SLC13A5: variants seen among roughly 807,000 people sequenced by gnomAD.
SLC13A5 encodes the protein solute carrier family 13 member 5.
In SLC13A5, 25 loss-of-function variants were observed where a neutral mutation model predicts 56.5. That is an observed-to-expected ratio of 0.44 (90% CI 0.32 to 0.62). The LOEUF (loss-of-function observed/expected upper bound fraction) is 0.62, where lower values mean the gene tolerates loss of function less well. SLC13A5 is among the 20% of genes least tolerant of loss of function. The pLI, the probability that SLC13A5 is intolerant of heterozygous loss-of-function variation, is 0.04. For synonymous variants in SLC13A5, 307 were observed against 301.5 expected (o/e 1.02, Z -0.19); for missense variants, 649 against 737.8 (o/e 0.88, Z 1.39).
chr17:6,685,996 C>G lies in SLC13A5; in HGVS notation c.*211G>C. On this transcript the variant is annotated 3_prime_UTR_variant, in exon 12 of 12. Coordinates refer to ENST00000433363, the MANE Select transcript of SLC13A5 (RefSeq NM_177550.5). The surrounding 1 kb of genome is among the most constrained non-coding windows in gnomAD (Gnocchi z 4.2). ...GGTCCAGCAGCCCACTGAGGGGTTC[C>G]CTTCATTTCTGAGCCTACCCTCCAG... is the stretch of plus-strand genomic sequence containing the variant. 1 of 664,180 alleles carries G rather than the reference C, an allele frequency of 1.5e-6. No homozygotes were observed. Among genetic ancestry groups the G allele is most frequent in the Admixed American group, 2.7e-5 (1 of 37,362 alleles). 41.1% of individuals were successfully genotyped at this position (664,180 alleles called of 1,614,324 possible).
At chr17:6,693,001 A>G in intron 9 of SLC13A5, 43 bp downstream of exon 9, 2 of 1,480,740 alleles carry the variant, frequency 1.4e-6, no homozygotes, top group Non-Finnish European at 1.9e-6. Context: ...CACCCTCTTG[A>G]CGAAGAAGAG....
In SLC13A5 at chr17:6,692,969, G is replaced by T; in HGVS notation, c.1275+75C>A. ...CAGGCACAGAAACACACAAGCCCAG[G>T]GATGGAAGGGTGGAGAAACGCCACC... On this transcript the variant is annotated intron_variant, in intron 9 of 11. Transcript: ENST00000433363. This position sits in a 1 kb window ranked among gnomAD's most constrained non-coding sequence, Gnocchi z 5.5. 1.8e-6 allele frequency: 2 copies of T among 1,095,896 alleles called. No individual in the cohort carries two copies. Among genetic ancestry groups the T allele is most frequent in the Non-Finnish European group, 2.8e-6 (2 of 707,894 alleles). The allele number at this position is 1,095,896 out of a possible 1,614,324, so 67.9% of individuals were successfully genotyped here.
At chr17:6,696,000 A>C (rs1053275362) in intron 6 of SLC13A5, 59 bp from the exon 7 acceptor site, 2 of 1,486,048 alleles carry the variant, frequency 1.3e-6, no homozygotes, top group African/African-American at 2.8e-5. Flanking sequence ...GGTGCTGGTC[A>C]GATGGAGCCT....
chr17:6,686,063 T>C lies in SLC13A5; in HGVS notation c.*144A>G, dbSNP rs955427403. 5 of 1,136,436 alleles carry C rather than the reference T, an allele frequency of 4.4e-6. No individual in the cohort carries two copies. In the African/African-American group the frequency reaches 4.7e-5, roughly 11 times the overall value. 70.4% of individuals were successfully genotyped at this position (1,136,436 alleles called of 1,614,324 possible). A position where few individuals can be genotyped will look rare whatever the true frequency, so the allele number is the denominator to read the frequency against. On this transcript the variant is annotated 3_prime_UTR_variant, in exon 12 of 12. Coordinates refer to ENST00000433363, the MANE Select transcript of SLC13A5 (RefSeq NM_177550.5). ...CTGCATCTGGGCTTGGAGGAAGAGG[T>C]GGCCCATTGGCTGGGTTTTGGTGGT...
At chr17:6,700,754 T>C (rs1389338231) in intron 6 of SLC13A5, among the ~76,000 whole-genome samples, 1 of 152,136 alleles carries the variant, frequency 6.6e-6, no homozygotes, top group African/African-American at 2.4e-5. Flanking sequence ...GCATTTGAAC[T>C]AGCCTTGAAG....
chr17:6,697,185 T>G (rs1406029713), intron 6 of SLC13A5, among the ~76,000 whole-genome samples: 1 of 152,114 alleles, frequency 6.6e-6, no homozygotes, highest in Non-Finnish European at 1.5e-5. Context: ...CTTGGCTTAG[T>G]AAAGTTTGTG....
intron 3 of SLC13A5, among the ~76,000 whole-genome samples, chr17:6,705,842 C>T (rs1347279145): frequency 1.3e-5 from 2 of 152,218 alleles, no homozygotes; most frequent in African/African-American, 2.4e-5. Context: ...CCCTGAGTTT[C>T]TGATTAGAGA....
chr17:6,695,900 T>C lies in SLC13A5; in HGVS notation c.881A>G (p.Asn294Ser), dbSNP rs1597663337. Residue 294 changes from asparagine (N) to serine (S), a missense_variant, in exon 7 of 12, where the codon AAC becomes AGC. By Grantham distance (46) the Asn-to-Ser change is conservative. Coordinates refer to ENST00000433363, the MANE Select transcript of SLC13A5 (RefSeq NM_177550.5). ...SWGCGLESKK[N>S]EKAALKVLQE... The stretch of plus-strand genomic sequence containing the variant: ...CAGCACCTTGAGGGCAGCCTTCTCG[T>C]TTTTCTTGCTCTCTAGCCCGCAGCC... 1 of 1,614,002 alleles carries C rather than the reference T, an allele frequency of 6.2e-7. No homozygotes were observed. Among genetic ancestry groups the C allele is most frequent in the Non-Finnish European group, 8.5e-7 (1 of 1,180,014 alleles).
At chr17:6,695,980 G>T (rs1169653312) in intron 6 of SLC13A5, 39 bp from the exon 7 acceptor site, 2 of 1,583,390 alleles carry the variant, frequency 1.3e-6, no homozygotes, top group African/African-American at 1.3e-5. Context: ...AGGGCAGACT[G>T]GTTGGCTCAG....
chr17:6,697,301 G>C (rs1477263163), intron 6 of SLC13A5, among the ~76,000 whole-genome samples: 1 of 152,168 alleles, frequency 6.6e-6, no homozygotes, highest in Non-Finnish European at 1.5e-5. Flanking sequence ...ATTACTAGTG[G>C]CCCAGGAGCC....
At position 6,690,783 on chromosome 17, in the gene SLC13A5, G is replaced by A. The variant is rs775187603; in HGVS notation, c.1433C>T (p.Ser478Phe). ...TTTLFLPIFA[S>F]MSRSIGLNPL... is the part of the protein sequence containing the mutation. ...CCCCACTGTCAGGTTACTTACCATG[G>A]AGGCAAAGATGGGCAGGAACAAGGT... Residue 478 changes from serine (S) to phenylalanine (F), a missense_variant, in exon 10 of 12, where the codon TCC (serine) becomes TTC (phenylalanine). By Grantham distance (155) the Ser-to-Phe change is radical. Coordinates refer to ENST00000433363, the MANE Select transcript of SLC13A5 (RefSeq NM_177550.5). The A allele has an allele frequency of 1.9e-6, 3 of 1,614,210 alleles. No individual in the cohort carries two copies. The South Asian group carries it at 3.3e-5, about 18-fold the overall frequency.
chr17:6,706,505 C>T (rs761431090), intron 3 of SLC13A5, 137 bp downstream of exon 3: 239 of 1,272,754 alleles, frequency 1.9e-4, no homozygotes, highest in Non-Finnish European at 2.3e-4. Flanking sequence ...AGCTATAACG[C>T]ACCCCACCCA....
rs1468208942 is a variant in SLC13A5, at chr17:6,713,017, AC to A, written c.102+214del. Among the ~76,000 whole-genome samples, 1 of 152,006 alleles carries A rather than the reference AC, an allele frequency of 6.6e-6. No individual in the cohort carries two copies. The highest frequency in any genetic ancestry group is 1.5e-5 in the Non-Finnish European group (1 of 67,992). On this transcript the variant is annotated intron_variant, in intron 1 of 11. Coordinates refer to ENST00000433363, the MANE Select transcript of SLC13A5 (RefSeq NM_177550.5). This position sits in a 1 kb window ranked among gnomAD's most constrained non-coding sequence, Gnocchi z 7.3. The stretch of plus-strand genomic sequence containing the variant: ...GGCTCTTGCGCCCTGGGATCTGTAA[AC>A]CCCAAGGGTGGTGCGCCCTGGGGTC...
chr17:6,710,210 G>A (rs563230529), intron 1 of SLC13A5, among the ~76,000 whole-genome samples: 42 of 152,358 alleles, frequency 2.8e-4, no homozygotes, highest in African/African-American at 9.9e-4. Flanking sequence ...GATGCCTCCA[G>A]GGGCAGACAA....
chr17:6,686,485 G>A (rs1005120164), intron 11 of SLC13A5, 147 bp from the exon 12 acceptor site: 63 of 917,684 alleles, frequency 6.9e-5, no homozygotes, highest in African/African-American at 5.2e-4. Context: ...AGGACAGTGC[G>A]ACTTCATGTC....
Position 6,703,060 on chromosome 17 carries a change from G to C in SLC13A5, c.626C>G (p.Thr209Ser). 3 of 1,614,198 alleles carry C rather than the reference G, an allele frequency of 1.9e-6. No homozygotes were observed. The highest frequency in any genetic ancestry group is 2.5e-6 in the Non-Finnish European group (3 of 1,180,028). The change falls in exon 5 of 12, where the codon ACC becomes AGC. Residue 209 changes from threonine to serine, a missense_variant. Physicochemically the swap from Thr to Ser is moderately conservative, Grantham distance 58. Transcript: ENST00000433363. ...QERKRLCKAM[T>S]LCICYAASIG... is the part of the protein sequence containing the mutation. ...GCTGGCCGCGTAGCAGATGCACAGG[G>C]TCATGGCCTTACACAACCTCTTCCG... is the stretch of plus-strand genomic sequence containing the variant.
rs747731732 is a variant in SLC13A5 at position 6,693,050 on chromosome 17, T to C, written c.1269A>G (p.Gly423=). 2 of 1,613,990 alleles carry C rather than the reference T, an allele frequency of 1.2e-6. No homozygotes were observed. The highest frequency in any genetic ancestry group is 8.5e-7 in the Non-Finnish European group (1 of 1,179,902). ...LLGGGFALAK[G]SEASGLSVWM... is the part of the protein sequence containing the mutation. ...CTGTGGCTGGAGAAGTTACCTCGGA[T>C]CCTTTAGCCAGAGCAAATCCGCCCC... The change falls in exon 9 of 12, where the codon GGA becomes GGG. Residue 423 remains glycine, a synonymous_variant. Coordinates refer to ENST00000433363, the MANE Select transcript of SLC13A5 (RefSeq NM_177550.5).
Position 6,711,485 on chromosome 17 carries a change from G to GGGGT in SLC13A5, c.102+1746_102+1747insACCC, listed in dbSNP as rs796863618. ...CACTGAGTTAGGGTTTCCAGTTCAG[G>GGGGT]GTGTGTGTGTGTGTGTGTGTGTATG... On this transcript the variant is annotated intron_variant, in intron 1 of 11. Transcript: ENST00000433363. This position sits in a 1 kb window ranked among gnomAD's most constrained non-coding sequence, Gnocchi z 4.0. Among the ~76,000 whole-genome samples the GGGGT allele has an allele frequency of 4.1e-5, 6 of 148,120 alleles. No homozygotes were observed. The highest frequency in any genetic ancestry group is 7.4e-5 in the African/African-American group (3 of 40,340).
chr17:6,704,165 G>C, intron 3 of SLC13A5, 109 bp from the exon 4 acceptor site: 1 of 1,181,292 alleles, frequency 8.5e-7, no homozygotes, highest in East Asian at 2.5e-5. Context: ...CACAGGTGTT[G>C]AGGCCAATTC....
Sources: gnomAD v4.1 joint callset for allele counts (sites outside exome capture counted in the v4.1 genomes callset) on GRCh38, gnomAD v4.1.1 for gene constraint, Gnocchi (gnomAD v3.1) non-coding constraint, MANE v1.5 for transcripts, NCBI Gene and HGNC (gene_info 2026-07-23, HGNC 2026-07-21) for gene names.